DLGAP2: variants seen among roughly 807,000 people sequenced by gnomAD.
The protein encoded by DLGAP2 is disks large-associated protein 2.
In DLGAP2, 26 loss-of-function variants were observed where a neutral mutation model predicts 100.3. That is an observed-to-expected ratio of 0.26 (90% CI 0.19 to 0.36). The LOEUF is 0.36. Among genes scored for constraint, DLGAP2 ranks in the 10% least tolerant of loss-of-function variants. DLGAP2 has a pLI of 1.00. For synonymous variants in DLGAP2, 886 were observed against 630.1 expected, an observed-to-expected ratio of 1.41 and a Z score of -6.08; for missense variants, 1,858 against 1,453.2, an observed-to-expected ratio of 1.28 and a Z score of -4.53.
chr8:1,075,909 T>G (rs200703526), intron 2 of DLGAP2, among the ~76,000 whole-genome samples: 2 of 140,704 alleles, frequency 1.4e-5, no homozygotes, highest in East Asian at 2.1e-4. Context: ...TCAAAAAAAA[T>G]AAAAACAAAA....
intron 2 of DLGAP2, among the ~76,000 whole-genome samples, chr8:1,051,168 C>T (rs1165274917): frequency 6.6e-6 from 1 of 151,960 alleles, no homozygotes; most frequent in African/African-American, 2.4e-5. Flanking sequence ...CAGCTTCTTC[C>T]TGGGCAACAT....
chr8:778,031 T>G (rs1169964085), intron 1 of DLGAP2, among the ~76,000 whole-genome samples: 2 of 124,644 alleles, frequency 1.6e-5, no homozygotes, highest in Non-Finnish European at 3.3e-5. Flanking sequence ...CCATATTTCT[T>G]GGAGGCTTTG....
chr8:831,984 A>T (rs1796793010), intron 1 of DLGAP2, among the ~76,000 whole-genome samples: 1 of 151,904 alleles, frequency 6.6e-6, no homozygotes, highest in Non-Finnish European at 1.5e-5. Context: ...TTTTTTTCAT[A>T]TGTTTGTTGA....
chr8:870,997 C>A (rs192200291), intron 1 of DLGAP2, among the ~76,000 whole-genome samples: 2 of 152,198 alleles, frequency 1.3e-5, no homozygotes, highest in Non-Finnish European at 2.9e-5. Flanking sequence ...CATTTTCCTT[C>A]CCCTGGTTCT....
intron 2 of DLGAP2, among the ~76,000 whole-genome samples, chr8:1,162,936 G>C (rs1021654861): frequency 1.3e-5 from 2 of 152,218 alleles, no homozygotes; most frequent in African/African-American, 2.4e-5. Flanking sequence ...AGCTGAGGGG[G>C]CTGCCATCTG....
intron 2 of DLGAP2, among the ~76,000 whole-genome samples, chr8:987,603 G>A (rs1164153581): frequency 6.6e-6 from 1 of 152,136 alleles, no homozygotes; most frequent in Non-Finnish European, 1.5e-5. Flanking sequence ...TAGACAAACT[G>A]CTTATTTGTC....
chr8:951,818 C>T (rs533053248), intron 2 of DLGAP2, among the ~76,000 whole-genome samples: 4 of 152,174 alleles, frequency 2.6e-5, no homozygotes, highest in Admixed American at 6.5e-5. Flanking sequence ...TGGCTAAAGG[C>T]GGTCTCAAAT....
intron 7 of DLGAP2, among the ~76,000 whole-genome samples, chr8:1,628,415 C>T (rs1356920029): frequency 8.2e-6 from 1 of 121,556 alleles, no homozygotes; most frequent in Non-Finnish European, 1.7e-5. Context: ...GAATTAAGAG[C>T]TTGAGCCGAC....
chr8:918,773 T>C (rs1335836331), intron 2 of DLGAP2, among the ~76,000 whole-genome samples: 3 of 152,230 alleles, frequency 2.0e-5, no homozygotes, highest in Non-Finnish European at 4.4e-5. Context: ...CACGTAGACA[T>C]ATACGGGTAA....
intron 1 of DLGAP2, among the ~76,000 whole-genome samples, chr8:758,166 A>T (rs1032920901): frequency 1.3e-5 from 2 of 152,252 alleles, no homozygotes; most frequent in African/African-American, 4.8e-5. Flanking sequence ...CCTCATGGCC[A>T]GGTGGACAGT....
intron 4 of DLGAP2, among the ~76,000 whole-genome samples, chr8:1,539,928 A>T (rs1267646817): frequency 1.3e-5 from 2 of 152,088 alleles, no homozygotes; most frequent in African/African-American, 4.8e-5. Context: ...GACCCCCTCA[A>T]GCATCAGTGG....
chr8:926,176 A>G (rs867581026), intron 2 of DLGAP2, among the ~76,000 whole-genome samples: 1 of 152,080 alleles, frequency 6.6e-6, no homozygotes, highest in South Asian at 2.1e-4. Context: ...GTGCCTGTAC[A>G]TGAAGCCGAC....
At chr8:1,039,581 TCGG>T (rs1236745856) in intron 2 of DLGAP2, among the ~76,000 whole-genome samples, 19 of 113,454 alleles carry the variant, frequency 1.7e-4, no homozygotes, top group African/African-American at 5.5e-4. Context: ...CGTGGTCAGC[TCGG>T]TGTGCGTGGT....
At chr8:1,554,707 C>T (rs1319098536) in intron 5 of DLGAP2, among the ~76,000 whole-genome samples, 2 of 152,124 alleles carry the variant, frequency 1.3e-5, no homozygotes, top group Non-Finnish European at 2.9e-5. Flanking sequence ...ATAAGGGTCT[C>T]TCCGGGCACC....
chr8:1,392,075 C>G (rs147070684), intron 3 of DLGAP2, among the ~76,000 whole-genome samples: 187 of 152,270 alleles, frequency 1.2e-3, no homozygotes, highest in African/African-American at 3.7e-3. Context: ...TCAGAAAACC[C>G]AGGTCATAGG....
intron 2 of DLGAP2, among the ~76,000 whole-genome samples, chr8:1,163,748 C>T (rs1373730699): frequency 6.6e-6 from 1 of 152,178 alleles, no homozygotes; most frequent in Non-Finnish European, 1.5e-5. Flanking sequence ...AACGCGGCCG[C>T]CGCGGGTGCA....
At chr8:1,371,133 G>C (rs1802227501) in intron 3 of DLGAP2, among the ~76,000 whole-genome samples, 1 of 152,226 alleles carries the variant, frequency 6.6e-6, no homozygotes, top group South Asian at 2.1e-4. Flanking sequence ...AGATGCATGT[G>C]TCAGCTCCTC....
chr8:798,763 G>A (rs560455895), intron 1 of DLGAP2, among the ~76,000 whole-genome samples: 2 of 145,534 alleles, frequency 1.4e-5, no homozygotes, highest in Admixed American at 1.4e-4. Context: ...GCAAACGCTT[G>A]TTGAGTCAGG....
chr8:749,022 A>AG (rs1035556422), intron 1 of DLGAP2, among the ~76,000 whole-genome samples: 3 of 152,168 alleles, frequency 2.0e-5, no homozygotes, highest in Admixed American at 6.5e-5. Context: ...TGTATGTGAG[A>AG]GGGGGCCTTG....
Sources: allele counts gnomAD v4.1 joint callset (sites outside exome capture counted in the v4.1 genomes callset), GRCh38; gene constraint gnomAD v4.1.1; transcripts MANE v1.5; gene names NCBI Gene and HGNC (gene_info 2026-07-23, HGNC 2026-07-21).